The following CSMD2 variants were observed in gnomAD, a reference collection of about 807,000 sequenced individuals.
CSMD2 encodes CUB and sushi domain-containing protein 2.
CSMD2 carries 130 observed loss-of-function variants against 398.5 expected under a neutral mutation model. That is an observed-to-expected ratio of 0.33 (90% confidence interval 0.28 to 0.38). The LOEUF is 0.38. Ranked by LOEUF, CSMD2 falls within the 10% of genes least tolerant of loss-of-function variation. CSMD2 has a pLI of 1.00. For missense variants in CSMD2, 3,829 were observed against 4,764.9 expected, an observed-to-expected ratio of 0.80 and a Z score of 5.78; for synonymous variants, 1,828 against 1,908.5, an observed-to-expected ratio of 0.96 and a Z score of 1.10.
intron 39 of CSMD2, among the ~76,000 whole-genome samples, chr1:33,616,079 C>G (rs1341202546): frequency 6.6e-6 from 1 of 152,200 alleles, no homozygotes; most frequent in African/African-American, 2.4e-5. Context: ...ATAAATGTGC[C>G]TTTCTTCTTT....
At chr1:33,890,351 C>T (rs1307153842) in intron 5 of CSMD2, among the ~76,000 whole-genome samples, 1 of 151,558 alleles carries the variant, frequency 6.6e-6, no homozygotes, top group Admixed American at 6.6e-5. Context: ...CTGCCTCAGC[C>T]TCCCAAGTAG....
Position 33,888,756 on chromosome 1 carries a change from T to TTTGTTG in CSMD2, c.920+29332_920+29337dup, listed in dbSNP as rs140395748. Among the ~76,000 whole-genome samples the TTTGTTG allele has an allele frequency of 5.4e-3, 808 of 148,852 alleles. 2 individuals carry two copies. The highest frequency in any genetic ancestry group is 8.7e-3 in the African/African-American group (350 of 40,252). On this transcript the variant is annotated intron_variant, in intron 5 of 70. Coordinates refer to ENST00000373381, the MANE Select transcript of CSMD2 (RefSeq NM_001281956.2). ...GATCAAATCAGGAGATCAACTGATTTTTGTTGTTGTTGTTGTTGTTGTTGT... is the reference window on the plus strand; with the variant it reads ...GATCAAATCAGGAGATCAACTGATTTTTGTTGTTGTTGTTGTTGTTGTTGTTGTTGT...
chr1:33,584,215 T>C (rs113325221), intron 46 of CSMD2, among the ~76,000 whole-genome samples: 1,849 of 152,210 alleles, frequency 0.012, 35 homozygotes, highest in African/African-American at 0.041. Context: ...AGGGCAGAGG[T>C]AAGTACATGG....
chr1:33,783,794 G>A (rs763417281), intron 12 of CSMD2, among the ~76,000 whole-genome samples: 9 of 152,272 alleles, frequency 5.9e-5, no homozygotes, highest in Admixed American at 2.6e-4. Flanking sequence ...TTCTGACTCC[G>A]GTACCTATAA....
chr1:33,877,561 T>A (rs571104954), intron 5 of CSMD2, among the ~76,000 whole-genome samples: 1 of 152,270 alleles, frequency 6.6e-6, no homozygotes, highest in East Asian at 1.9e-4. Flanking sequence ...AGAGGATTCA[T>A]AATAATCACA....
rs577051546 is a variant in CSMD2 at position 33,545,833 on chromosome 1, A to T, written c.9100+204T>A. ...GTCTTTTTTGATTTCTTCCCTTTTG[A>T]GGTGAGAGTGGGAATATGTTTGTCT... On this transcript the variant is annotated intron_variant, in intron 57 of 70. Coordinates refer to ENST00000373381, the MANE Select transcript of CSMD2 (RefSeq NM_001281956.2). Among the ~76,000 whole-genome samples, 5 of 152,290 alleles carry T rather than the reference A, an allele frequency of 3.3e-5. No homozygotes were observed. The South Asian group carries it at 6.2e-4, about 19-fold the overall frequency.
chr1:33,777,881 T>C (rs540078214), intron 12 of CSMD2, among the ~76,000 whole-genome samples: 2 of 152,310 alleles, frequency 1.3e-5, no homozygotes, highest in Non-Finnish European at 2.9e-5. Flanking sequence ...TTTATGAAAA[T>C]GTCTGTACAG....
intron 1 of CSMD2, among the ~76,000 whole-genome samples, chr1:34,109,247 G>A (rs1390036247): frequency 6.6e-6 from 1 of 152,194 alleles, no homozygotes; most frequent in Non-Finnish European, 1.5e-5. Context: ...TACATATAAA[G>A]GAAAGGGTTT....
rs763199591 is a variant in CSMD2, at chr1:33,569,482, C to G, written c.8023G>C (p.Gly2675Arg). 1.8e-5 allele frequency: 29 copies of G among 1,614,102 alleles called. No homozygotes were observed. In the African/African-American group the frequency reaches 3.3e-4, roughly 19 times the overall value. Residue 2675 changes from glycine to arginine, a missense_variant, in exon 52 of 71, where the codon GGG becomes CGG. Gly to Arg is a moderately radical substitution (Grantham distance 125). Coordinates refer to ENST00000373381, the MANE Select transcript of CSMD2 (RefSeq NM_001281956.2). ...TTGCAGGAGAAGATGGCTGTTGCCCCGTAGACAGACAGTGTTCCGATGCGG... is the reference window on the plus strand; with the variant it reads ...TTGCAGGAGAAGATGGCTGTTGCCCGGTAGACAGACAGTGTTCCGATGCGG... ...GHRIGTLSVY[G>R]ATAIFSCNSG...
intron 2 of CSMD2, among the ~76,000 whole-genome samples, chr1:34,088,345 C>T (rs1464949798): frequency 6.6e-6 from 1 of 152,178 alleles, no homozygotes; most frequent in Non-Finnish European, 1.5e-5. Context: ...GGGTCTTCAC[C>T]TTTGCCCCAG....
intron 21 of CSMD2, among the ~76,000 whole-genome samples, chr1:33,714,376 T>C (rs917372216): frequency 6.6e-6 from 1 of 152,230 alleles, no homozygotes; most frequent in Non-Finnish European, 1.5e-5. Context: ...AACTGCCTGA[T>C]GAAGCAGGGA....
chr1:33,577,363 G>A lies in CSMD2; in HGVS notation c.7509C>T (p.Ser2503=). 6.2e-7 allele frequency: 1 copy of A among 1,614,154 alleles called. No individual in the cohort carries two copies. Among genetic ancestry groups the A allele is most frequent in the African/African-American group, 1.3e-5 (1 of 75,046 alleles). ...CNAGYRLVGH[S]MAICTRHPQG... is the part of the protein sequence containing the mutation. ...GGGGGTGCCGGGTACAGATGGCCAT[G>A]CTGTGTCCCACCAGGCGGTAGCCGG... Residue 2503 remains serine, a synonymous_variant, in exon 49 of 71, where the codon AGC becomes AGT. Transcript: ENST00000373381.
Position 33,743,275 on chromosome 1 carries a change from C to A in CSMD2, c.2173+5G>T. ...GGGCCAGCTGGTGACAGAGGGAGGA[C>A]TCACTGGTAAAAGTGATGTTGAAGC... On this transcript the variant is annotated splice_donor_5th_base_variant and intron_variant, in intron 14 of 70. Coordinates refer to ENST00000373381, the MANE Select transcript of CSMD2 (RefSeq NM_001281956.2). The A allele has an allele frequency of 6.3e-7, 1 of 1,588,894 alleles. No individual in the cohort carries two copies. The highest frequency in any genetic ancestry group is 8.6e-7 in the Non-Finnish European group (1 of 1,164,904).
Position 33,893,700 on chromosome 1 carries a change from C to G in CSMD2, c.920+24394G>C, listed in dbSNP as rs1312470239. 2.6e-5 allele frequency among the ~76,000 whole-genome samples: 4 copies of G among 152,172 alleles called. No individual in the cohort carries two copies. In the East Asian group the frequency reaches 7.7e-4, roughly 29 times the overall value. ...CACAGCCAGAAACATACAAACTTTC[C>G]AAAAATATTTGAATGTTGACAGCAG... On this transcript the variant is annotated intron_variant, in intron 5 of 70. Transcript: ENST00000373381.
At chr1:33,612,925 C>A (rs1295575458) in intron 40 of CSMD2, among the ~76,000 whole-genome samples, 1 of 152,230 alleles carries the variant, frequency 6.6e-6, no homozygotes, top group Non-Finnish European at 1.5e-5. Context: ...ATCTGAGGAG[C>A]CTGTGCTTTC....
chr1:34,126,552 C>T (rs544026638), intron 1 of CSMD2, among the ~76,000 whole-genome samples: 1 of 150,898 alleles, frequency 6.6e-6, no homozygotes, highest in Admixed American at 6.6e-5. Context: ...AGGTGCTGTG[C>T]TCCCATTTTG....
intron 12 of CSMD2, among the ~76,000 whole-genome samples, chr1:33,782,989 G>A (rs1208736405): frequency 6.6e-6 from 1 of 152,136 alleles, no homozygotes; most frequent in Non-Finnish European, 1.5e-5. Flanking sequence ...AGCGATGCTG[G>A]TTGGGAAGAC....
In CSMD2 at chr1:34,040,447, C is replaced by A. The variant is rs564565890; in HGVS notation, c.405-7741G>T. Among the ~76,000 whole-genome samples the A allele has an allele frequency of 2.6e-5, 4 of 152,190 alleles. No homozygotes were observed. In the East Asian group the frequency reaches 7.7e-4, roughly 29 times the overall value. ...TTCTTTACTAGCACTAACCATAATT[C>A]CTAATTAGATGTTTATTGGGGTGAG... On this transcript the variant is annotated intron_variant, in intron 2 of 70. Transcript: ENST00000373381.
chr1:33,788,737 G>T (rs771671423), intron 11 of CSMD2, 25 bp from the exon 12 acceptor site: 3 of 1,379,538 alleles, frequency 2.2e-6, no homozygotes, highest in African/African-American at 2.9e-5. Flanking sequence ...ATATTTAGAG[G>T]TGTGCTCTCC....
Sources: allele counts gnomAD v4.1 joint callset (sites outside exome capture counted in the v4.1 genomes callset), GRCh38; gene constraint gnomAD v4.1.1; transcripts MANE v1.5; gene names NCBI Gene and HGNC (gene_info 2026-07-23, HGNC 2026-07-21).